Variants in PRKG2 observed in about 807,000 individuals in gnomAD.
The protein encoded by PRKG2 is protein kinase cGMP-dependent 2, also known as cGMP-dependent protein kinase 2.
In PRKG2, 33 loss-of-function variants were observed where a neutral mutation model predicts 97.2. The ratio of observed to expected loss-of-function variants is 0.34; its 90% CI spans 0.26 to 0.45. PRKG2 has a LOEUF of 0.45. PRKG2 is among the 20% of genes least tolerant of loss of function. PRKG2 has a pLI of 1.00. For synonymous variants in PRKG2, 330 were observed against 321.8 expected, an observed-to-expected ratio of 1.03 and a Z score of -0.27; for missense variants, 638 against 900.0, an observed-to-expected ratio of 0.71 and a Z score of 3.73.
At chr4:81,179,815 A>G (rs1279755789) in intron 2 of PRKG2, among the ~76,000 whole-genome samples, 1 of 152,146 alleles carries the variant, frequency 6.6e-6, no homozygotes, top group African/African-American at 2.4e-5. Flanking sequence ...AGTGAGGCCT[A>G]CAAGATCAGT....
At chr4:81,164,061 A>G (rs1749789202) in intron 6 of PRKG2, among the ~76,000 whole-genome samples, 1 of 152,240 alleles carries the variant, frequency 6.6e-6, no homozygotes, top group Non-Finnish European at 1.5e-5. Flanking sequence ...AGGTGGGCCC[A>G]GTCAGCCATT....
At chr4:81,125,582 G>A (rs568635749) in intron 14 of PRKG2, among the ~76,000 whole-genome samples, 1 of 152,222 alleles carries the variant, frequency 6.6e-6, no homozygotes, top group South Asian at 2.1e-4. Flanking sequence ...TAAAATTTGT[G>A]GCCAAGATAT....
chr4:81,177,042 A>G (rs150599849), intron 2 of PRKG2, among the ~76,000 whole-genome samples: 1 of 152,112 alleles, frequency 6.6e-6, no homozygotes, highest in African/African-American at 2.4e-5. Flanking sequence ...TAAGAGATGG[A>G]ACATGTTTTC....
chr4:81,100,250 T>C (rs971494216), intron 17 of PRKG2, among the ~76,000 whole-genome samples: 104 of 152,188 alleles, frequency 6.8e-4, no homozygotes, highest in Non-Finnish European at 8.1e-4. Flanking sequence ...GAGCCCGGAT[T>C]GCCAAGTCAA....
chr4:81,179,544 G>A (rs1751227511), intron 2 of PRKG2, among the ~76,000 whole-genome samples: 1 of 152,106 alleles, frequency 6.6e-6, no homozygotes, highest in Admixed American at 6.6e-5. Context: ...GATCTCAGAT[G>A]GAAACTGGCA....
chr4:81,143,489 T>C (rs1453782746), intron 10 of PRKG2, among the ~76,000 whole-genome samples: 1 of 152,214 alleles, frequency 6.6e-6, no homozygotes, highest in Non-Finnish European at 1.5e-5. Context: ...AGTACATTTC[T>C]TACTTTATGT....
rs922673278 is a variant in PRKG2, at chr4:81,137,562, A to G, written c.1545-80T>C. 14 of 1,093,354 alleles carry G rather than the reference A, an allele frequency of 1.3e-5. No homozygotes were observed. In the African/African-American group the frequency reaches 1.4e-4, roughly 11 times the overall value. 67.7% of individuals were successfully genotyped at this position (1,093,354 alleles called of 1,614,324 possible). On this transcript the variant is annotated intron_variant, in intron 12 of 18. Coordinates refer to ENST00000264399, the MANE Select transcript of PRKG2 (RefSeq NM_006259.3). The stretch of plus-strand genomic sequence containing the variant: ...TTTAAAGTTGCTTAGAACTATCATC[A>G]TAACATTAGGAACAATGATACTCAT...
intron 2 of PRKG2, chr4:81,193,409 G>A (rs980480989): frequency 3.3e-5 from 5 of 152,134 alleles, no homozygotes; most frequent in Non-Finnish European, 7.4e-5. Context: ...AGATTTCTAT[G>A]AGAATTAAAT....
chr4:81,148,797 T>G, intron 9 of PRKG2, 87 bp downstream of exon 9: 211 of 1,139,502 alleles, frequency 1.9e-4, no homozygotes, highest in Non-Finnish European at 2.5e-4. Context: ...TGGTGATGAA[T>G]GAGAAAACAG....
chr4:81,136,010 A>G (rs891651320), intron 13 of PRKG2, among the ~76,000 whole-genome samples: 2 of 152,162 alleles, frequency 1.3e-5, no homozygotes, highest in Non-Finnish European at 2.9e-5. Context: ...TACTCACTTA[A>G]AAGCATTTTC....
chr4:81,153,167 T>C (rs765989478), intron 7 of PRKG2, among the ~76,000 whole-genome samples: 4 of 152,250 alleles, frequency 2.6e-5, no homozygotes, highest in Non-Finnish European at 5.9e-5. Context: ...TAAATTCACT[T>C]GAGCTGTTTT....
intron 7 of PRKG2, among the ~76,000 whole-genome samples, chr4:81,153,160 A>G (rs1353886244): frequency 1.3e-5 from 2 of 152,218 alleles, no homozygotes; most frequent in Non-Finnish European, 2.9e-5. Flanking sequence ...CAGCATCTAA[A>G]TTCACTTGAG....
chr4:81,092,315 A>G (rs1741621014), intron 18 of PRKG2, 71 bp downstream of exon 18: 3 of 1,034,692 alleles, frequency 2.9e-6, no homozygotes, highest in South Asian at 1.6e-5. Flanking sequence ...ATACATACAC[A>G]CATCTAAAAT....
intron 2 of PRKG2, among the ~76,000 whole-genome samples, chr4:81,195,381 T>A (rs925517228): frequency 5.3e-5 from 8 of 152,186 alleles, no homozygotes; most frequent in South Asian, 2.1e-4. Flanking sequence ...AACTTTTTTT[T>A]AATTTTAATA....
Position 81,189,336 on chromosome 4 carries a change from T to C in PRKG2, c.462-14377A>G, listed in dbSNP as rs1194061915. Among the ~76,000 whole-genome samples, 2 of 130,784 alleles carry C rather than the reference T, an allele frequency of 1.5e-5. 1 individual carries two copies. The highest frequency in any genetic ancestry group is 4.8e-4 in the East Asian group (2 of 4,172). The allele number at this position is 130,784 out of a possible 152,430, so 85.8% of individuals were successfully genotyped here. On this transcript the variant is annotated intron_variant, in intron 2 of 18. Coordinates refer to ENST00000264399, the MANE Select transcript of PRKG2 (RefSeq NM_006259.3). ...TCTTATTTAATCTTTTTGTCTTATT[T>C]TATTATTGCTACATCTTCAGAAATA... is the stretch of plus-strand genomic sequence containing the variant.
intron 2 of PRKG2, among the ~76,000 whole-genome samples, chr4:81,199,676 T>A (rs929181659): frequency 1.7e-4 from 26 of 152,302 alleles, no homozygotes; most frequent in Non-Finnish European, 2.6e-4. Context: ...TATATAAATA[T>A]TTTTTCCCAT....
chr4:81,110,939 C>G (rs1005900252), intron 14 of PRKG2, among the ~76,000 whole-genome samples: 5 of 151,650 alleles, frequency 3.3e-5, no homozygotes, highest in African/African-American at 1.2e-4. Flanking sequence ...ATAACAACAA[C>G]TTTGAAGCTC....
intron 14 of PRKG2, among the ~76,000 whole-genome samples, chr4:81,130,217 CCTTT>C (rs1265838816): frequency 1.3e-5 from 2 of 152,122 alleles, no homozygotes; most frequent in Middle Eastern, 3.2e-3. Flanking sequence ...TGATGCTATT[CCTTT>C]CTGTTTGTTA....
chr4:81,199,554 C>T (rs947899605), intron 2 of PRKG2, among the ~76,000 whole-genome samples: 4 of 152,094 alleles, frequency 2.6e-5, no homozygotes, highest in African/African-American at 9.7e-5. Context: ...TCAGTTTTCT[C>T]ATATATAAAA....
Sources: gnomAD v4.1 joint callset for allele counts (sites outside exome capture counted in the v4.1 genomes callset) on GRCh38, gnomAD v4.1.1 for gene constraint, MANE v1.5 for transcripts, NCBI Gene and HGNC (gene_info 2026-07-23, HGNC 2026-07-21) for gene names.